The following GNA14 variants were observed in gnomAD, a reference collection of about 807,000 sequenced individuals.
The protein encoded by GNA14 is G protein subunit alpha 14.
In GNA14, 50 loss-of-function variants were observed where a neutral mutation model predicts 42.0. The observed-to-expected ratio is 1.19, with a 90% confidence interval of 0.95 to 1.51. GNA14 has a LOEUF of 1.51. GNA14 is among the 40% of genes most tolerant of loss of function. The pLI, the probability that GNA14 is intolerant of heterozygous loss-of-function variation, is 0.00. For synonymous variants in GNA14, 173 were observed against 163.1 expected (o/e 1.06, Z -0.46); for missense variants, 473 against 446.2 (o/e 1.06, Z -0.54).
intron 2 of GNA14, among the ~76,000 whole-genome samples, chr9:77,525,926 G>A (rs1184721307): frequency 1.4e-5 from 2 of 143,826 alleles, no homozygotes; most frequent in Non-Finnish European, 3.1e-5. Context: ...AAAAAAAAAC[G>A]GAGTTTCACT....
At chr9:77,464,546 A>G (rs1836186284) in intron 2 of GNA14, among the ~76,000 whole-genome samples, 1 of 151,968 alleles carries the variant, frequency 6.6e-6, no homozygotes, top group African/African-American at 2.4e-5. Flanking sequence ...ATTTTTAAAA[A>G]CATTTTTTTT....
rs753615624 is a variant in GNA14 at position 77,641,343 on chromosome 9, T to TA, written c.124+6326dup. On this transcript the variant is annotated intron_variant, in intron 1 of 6. Transcript: ENST00000341700. ...AGAAGCAGGGTATTTACTAGCCTTA[T>TA]AAAGTGTCTCTCCACAAAATTATGA... 1.7e-3 allele frequency among the ~76,000 whole-genome samples: 260 copies of TA among 151,864 alleles called. 1 individual carries two copies. The highest frequency in any genetic ancestry group is 6.0e-3 in the African/African-American group (250 of 41,386).
intron 2 of GNA14, among the ~76,000 whole-genome samples, chr9:77,462,587 G>A (rs1200153068): frequency 6.6e-6 from 1 of 152,234 alleles, no homozygotes; most frequent in African/African-American, 2.4e-5. Flanking sequence ...TGGGCATGGT[G>A]GTGGGTGCCT....
intron 2 of GNA14, among the ~76,000 whole-genome samples, chr9:77,468,640 G>A (rs1355087739): frequency 6.6e-6 from 1 of 152,128 alleles, no homozygotes; most frequent in Non-Finnish European, 1.5e-5. Flanking sequence ...TGATTTGGTC[G>A]ACATAATGTG....
chr9:77,551,499 G>A (rs1196200908), intron 1 of GNA14, among the ~76,000 whole-genome samples: 1 of 142,118 alleles, frequency 7.0e-6, no homozygotes, highest in Non-Finnish European at 1.6e-5. Context: ...ATATACATGC[G>A]CAGACACTCA....
At chr9:77,462,219 T>C (rs1243053593) in intron 2 of GNA14, among the ~76,000 whole-genome samples, 1 of 152,140 alleles carries the variant, frequency 6.6e-6, no homozygotes, top group East Asian at 1.9e-4. Flanking sequence ...TCCCTGGGCA[T>C]GTGTTCAGCC....
Position 77,635,561 on chromosome 9 carries a change from T to C in GNA14, c.124+12109A>G, listed in dbSNP as rs185659759. On this transcript the variant is annotated intron_variant, in intron 1 of 6. Coordinates refer to ENST00000341700, the MANE Select transcript of GNA14 (RefSeq NM_004297.4). ...TTTGTTTTAAATTTGTACTATCTGG[T>C]AAGGAAAAAAGAGAGAAAAGTAAAT... Among the ~76,000 whole-genome samples the C allele has an allele frequency of 5.3e-5, 8 of 152,236 alleles. No homozygotes were observed. The East Asian group carries it at 1.2e-3, about 22-fold the overall frequency.
intron 1 of GNA14, among the ~76,000 whole-genome samples, chr9:77,549,145 G>A (rs1256466310): frequency 1.3e-5 from 2 of 152,280 alleles, no homozygotes; most frequent in Middle Eastern, 3.4e-3. Context: ...ATGTTGGCCA[G>A]GATGGTCTTG....
At chr9:77,489,313 T>A (rs1473327606) in intron 2 of GNA14, among the ~76,000 whole-genome samples, 1 of 152,164 alleles carries the variant, frequency 6.6e-6, no homozygotes, top group Non-Finnish European at 1.5e-5. Flanking sequence ...TAAGAATTAT[T>A]GGTGTTCAAG....
chr9:77,617,021 C>T (rs1823833465), intron 1 of GNA14, among the ~76,000 whole-genome samples: 1 of 151,974 alleles, frequency 6.6e-6, no homozygotes, highest in Admixed American at 6.6e-5. Context: ...AGGCACCCAC[C>T]ACCACGACCG....
intron 2 of GNA14, among the ~76,000 whole-genome samples, chr9:77,521,165 T>C (rs928779867): frequency 3.3e-5 from 5 of 152,226 alleles, no homozygotes; most frequent in Non-Finnish European, 7.3e-5. Context: ...TTGTTGTTGT[T>C]GTTGTGACAA....
chr9:77,445,214 G>A (rs892044388), intron 2 of GNA14, among the ~76,000 whole-genome samples: 29 of 152,164 alleles, frequency 1.9e-4, no homozygotes, highest in Non-Finnish European at 3.5e-4. Context: ...TGTATGGAGC[G>A]GGGGTACGAG....
intron 1 of GNA14, among the ~76,000 whole-genome samples, chr9:77,546,215 CAAA>C (rs764378681): frequency 3.7e-4 from 16 of 42,912 alleles, no homozygotes; most frequent in African/African-American, 1.1e-3. Flanking sequence ...AGCTCCATCT[CAAA>C]AAAAAAAAAA....
intron 1 of GNA14, among the ~76,000 whole-genome samples, chr9:77,631,851 C>T (rs2118007314): frequency 6.6e-6 from 1 of 152,268 alleles, no homozygotes; most frequent in South Asian, 2.1e-4. Flanking sequence ...AGCAGGAAAG[C>T]GTGGCTGGGG....
intron 1 of GNA14, among the ~76,000 whole-genome samples, chr9:77,537,782 G>T (rs1837614961): frequency 6.6e-6 from 1 of 152,174 alleles, no homozygotes. Context: ...ACTAGGGAAT[G>T]GTAGTATCTC....
chr9:77,480,483 G>A (rs560607527), intron 2 of GNA14, among the ~76,000 whole-genome samples: 2 of 152,292 alleles, frequency 1.3e-5, no homozygotes, highest in African/African-American at 2.4e-5. Context: ...TTGCATCAAT[G>A]TTCATCAAGG....
chr9:77,448,736 C>T (rs747708984), intron 2 of GNA14, among the ~76,000 whole-genome samples: 1 of 152,088 alleles, frequency 6.6e-6, no homozygotes. Flanking sequence ...AGGCATTATT[C>T]GAGGTAGACG....
intron 2 of GNA14, among the ~76,000 whole-genome samples, chr9:77,443,533 G>T (rs1835768679): frequency 6.6e-6 from 1 of 152,128 alleles, no homozygotes; most frequent in South Asian, 2.1e-4. Flanking sequence ...CCCAATTCAA[G>T]ATTCAACAGA....
chr9:77,629,000 G>T (rs1353196670), intron 1 of GNA14, among the ~76,000 whole-genome samples: 1 of 151,854 alleles, frequency 6.6e-6, no homozygotes, highest in East Asian at 1.9e-4. Context: ...CTGACAAAGG[G>T]TTCATATCCA....
Sources: gnomAD v4.1 joint callset for allele counts (sites outside exome capture counted in the v4.1 genomes callset) on GRCh38, gnomAD v4.1.1 for gene constraint, MANE v1.5 for transcripts, NCBI Gene and HGNC (gene_info 2026-07-23, HGNC 2026-07-21) for gene names.